The following FUT9 variants were observed in gnomAD, a reference collection of about 807,000 sequenced individuals.
FUT9 encodes fucosyltransferase 9.
A neutral mutation model predicts 29.7 loss-of-function variants in FUT9; 15 were observed. That is an observed-to-expected ratio of 0.51 (90% CI 0.34 to 0.78). The LOEUF is 0.78. FUT9 is among the 30% of genes least tolerant of loss of function. The pLI, the probability that FUT9 is intolerant of heterozygous loss-of-function variation, is 0.01. For missense variants in FUT9, 319 were observed against 425.4 expected, an observed-to-expected ratio of 0.75 and a Z score of 2.20; for synonymous variants, 169 against 153.7, an observed-to-expected ratio of 1.10 and a Z score of -0.74.
intron 1 of FUT9, among the ~76,000 whole-genome samples, chr6:96,043,917 C>A (rs1770512846): frequency 6.6e-6 from 1 of 152,176 alleles, no homozygotes; most frequent in African/African-American, 2.4e-5. Flanking sequence ...TTTACAAGTT[C>A]AGGTTTCAGC....
chr6:96,025,112 C>A (rs1562099644), intron 1 of FUT9, among the ~76,000 whole-genome samples: 1 of 151,778 alleles, frequency 6.6e-6, no homozygotes, highest in Non-Finnish European at 1.5e-5. Context: ...CACCTGGTTT[C>A]TGGCTACAGA....
At chr6:96,086,466 C>T (rs1771318688) in intron 1 of FUT9, among the ~76,000 whole-genome samples, 2 of 152,162 alleles carry the variant, frequency 1.3e-5, no homozygotes, top group Admixed American at 1.3e-4. Flanking sequence ...AGTGAATCAA[C>T]TCATTTCTCA....
In FUT9 at chr6:96,212,057, C is replaced by T. The variant is rs1773947267; in HGVS notation, c.*7822C>T. On this transcript the variant is annotated 3_prime_UTR_variant, in exon 3 of 3. Coordinates refer to ENST00000302103, the MANE Select transcript of FUT9 (RefSeq NM_006581.4). Reference sequence around the variant, plus strand: ...CATGCTAACTTTCCACACATGGCTGCATTCCATTTTGATTAATGAGGGTTC... The same window carrying T: ...CATGCTAACTTTCCACACATGGCTGTATTCCATTTTGATTAATGAGGGTTC... The T allele has an allele frequency of 2.4e-6, 1 of 412,262 alleles. No homozygotes were observed. Among genetic ancestry groups the T allele is most frequent in the East Asian group, 3.6e-5 (1 of 28,062 alleles). 25.5% of individuals were successfully genotyped at this position (412,262 alleles called of 1,614,324 possible).
intron 2 of FUT9, among the ~76,000 whole-genome samples, chr6:96,175,417 T>C (rs1773186040): frequency 6.6e-6 from 1 of 152,200 alleles, no homozygotes; most frequent in Non-Finnish European, 1.5e-5. Flanking sequence ...TGCTAATAAA[T>C]GTGTAAGCTA....
intron 2 of FUT9, among the ~76,000 whole-genome samples, chr6:96,162,122 CATT>C (rs912449851): frequency 2.0e-5 from 3 of 152,106 alleles, no homozygotes; most frequent in Non-Finnish European, 2.9e-5. Context: ...ACATATTCAT[CATT>C]GTTATTTTAA....
rs935253164 is a variant in FUT9 at position 96,211,076 on chromosome 6, C to A, written c.*6841C>A. ...CATTAAACAGGCAGTTTGTAGGAAT[C>A]ATTGAAATTTTATACAAGCCGAAGG... On this transcript the variant is annotated 3_prime_UTR_variant, in exon 3 of 3. Coordinates refer to ENST00000302103, the MANE Select transcript of FUT9 (RefSeq NM_006581.4). 1.2e-5 allele frequency: 2 copies of A among 166,786 alleles called. No individual in the cohort carries two copies. Among genetic ancestry groups the A allele is most frequent in the African/African-American group, 4.8e-5 (2 of 41,404 alleles). The allele number at this position is 166,786 out of a possible 1,614,324, so 10.3% of individuals were successfully genotyped here.
chr6:96,138,412 T>A (rs530409320), intron 2 of FUT9, among the ~76,000 whole-genome samples: 1 of 151,922 alleles, frequency 6.6e-6, no homozygotes, highest in Non-Finnish European at 1.5e-5. Flanking sequence ...AGAAAAATTA[T>A]GGCTTTCCAA....
intron 1 of FUT9, among the ~76,000 whole-genome samples, chr6:96,034,629 C>T (rs892145660): frequency 4.0e-5 from 6 of 151,722 alleles, no homozygotes; most frequent in East Asian, 3.9e-4. Flanking sequence ...TGAGAAGCAA[C>T]GGAACAGAAT....
Position 96,097,287 on chromosome 6 carries a change from G to A in FUT9, c.-97-16752G>A, listed in dbSNP as rs559311920. Among the ~76,000 whole-genome samples the A allele has an allele frequency of 6.6e-5, 10 of 152,318 alleles. No individual in the cohort carries two copies. In the South Asian group the frequency reaches 1.0e-3, roughly 16 times the overall value. ...ATAGTGTGGGAATCACAGCAGCAGC[G>A]GTGTGCTGGAGCCAGCTCCCCAAGC... On this transcript the variant is annotated intron_variant, in intron 1 of 2. Transcript: ENST00000302103.
chr6:96,106,395 A>G (rs1376578191), intron 1 of FUT9, among the ~76,000 whole-genome samples: 2 of 152,118 alleles, frequency 1.3e-5, no homozygotes, highest in East Asian at 3.9e-4. Flanking sequence ...GGAAGTATTC[A>G]ATTTTTTTCT....
chr6:96,057,548 T>C (rs1770793255), intron 1 of FUT9, among the ~76,000 whole-genome samples: 1 of 152,250 alleles, frequency 6.6e-6, no homozygotes, highest in African/African-American at 2.4e-5. Context: ...CCATCATTTA[T>C]ACATGTTGAT....
intron 2 of FUT9, among the ~76,000 whole-genome samples, chr6:96,124,112 A>G (rs1368337850): frequency 6.6e-6 from 1 of 151,726 alleles, no homozygotes; most frequent in Non-Finnish European, 1.5e-5. Flanking sequence ...TGCTTATTAA[A>G]CATTTTAGTT....
At chr6:96,064,374 T>A (rs550234877) in intron 1 of FUT9, among the ~76,000 whole-genome samples, 11 of 152,236 alleles carry the variant, frequency 7.2e-5, no homozygotes, top group African/African-American at 2.6e-4. Context: ...GAAAATGATG[T>A]GTTTTCTTTG....
At chr6:96,109,519 C>T (rs543533939) in intron 1 of FUT9, among the ~76,000 whole-genome samples, 1 of 152,222 alleles carries the variant, frequency 6.6e-6, no homozygotes, top group South Asian at 2.1e-4. Context: ...AAAAAAATTA[C>T]TCAACAATGA....
chr6:96,155,998 G>C lies in FUT9; in HGVS notation c.-9+41871G>C, dbSNP rs537990109. Among the ~76,000 whole-genome samples, 14 of 152,284 alleles carry C rather than the reference G, an allele frequency of 9.2e-5. No homozygotes were observed. In the South Asian group the frequency reaches 2.9e-3, roughly 32 times the overall value. On this transcript the variant is annotated intron_variant, in intron 2 of 2. Transcript: ENST00000302103. ...TCTTTTGGAGGTTATAAAACCAACT[G>C]CTTCTTCCAACATTTTAATTTAGGG...
intron 2 of FUT9, among the ~76,000 whole-genome samples, chr6:96,187,875 A>G (rs1773432583): frequency 1.3e-5 from 2 of 152,176 alleles, no homozygotes; most frequent in South Asian, 4.1e-4. Context: ...GACTCAACAA[A>G]GCAGCACATA....
chr6:96,115,348 T>C (rs964104693), intron 2 of FUT9, among the ~76,000 whole-genome samples: 12 of 152,210 alleles, frequency 7.9e-5, no homozygotes, highest in African/African-American at 2.9e-4. Context: ...TGCATTCTTT[T>C]TTTCTCACTA....
intron 2 of FUT9, among the ~76,000 whole-genome samples, chr6:96,198,241 A>G (rs1443810639): frequency 2.0e-5 from 3 of 151,686 alleles, no homozygotes; most frequent in Admixed American, 6.6e-5. Flanking sequence ...AGCATTAGGT[A>G]TATCTCCCAA....
At position 96,203,862 on chromosome 6, in the gene FUT9, C is replaced by A. The variant is rs1773775506; in HGVS notation, c.707C>A (p.Ser236Tyr). 6.2e-7 allele frequency: 1 copy of A among 1,610,698 alleles called. No homozygotes were observed. Among genetic ancestry groups the A allele is most frequent in the Non-Finnish European group, 8.5e-7 (1 of 1,177,286 alleles). ...VNDKNLIPTI[S>Y]TCKFYLSFEN... is the part of the protein sequence containing the mutation. ...GATAAAAATTTGATTCCTACCATAT[C>A]TACTTGTAAATTTTATCTTTCCTTT... Residue 236 changes from serine to tyrosine, a missense_variant, in exon 3 of 3, where the codon TCT becomes TAT. By Grantham distance (144) the Ser-to-Tyr change is moderately radical (BLOSUM62 -2). Transcript: ENST00000302103.
Sources: allele counts gnomAD v4.1 joint callset (sites outside exome capture counted in the v4.1 genomes callset), GRCh38; gene constraint gnomAD v4.1.1; transcripts MANE v1.5; gene names NCBI Gene and HGNC (gene_info 2026-07-23, HGNC 2026-07-21).